Variants in DDX4 observed in about 807,000 individuals in gnomAD.
DDX4 encodes DEAD-box helicase 4, also known as probable ATP-dependent RNA helicase DDX4.
DDX4 carries 25 observed loss-of-function variants against 100.0 expected under a neutral mutation model. The observed-to-expected ratio is 0.25, with a 90% CI of 0.18 to 0.35. DDX4 has a LOEUF of 0.35. Among genes scored for constraint, DDX4 ranks in the 10% least tolerant of loss-of-function variants. The pLI, the probability that DDX4 is intolerant of heterozygous loss-of-function variation, is 1.00. For synonymous variants in DDX4, 259 were observed against 275.7 expected, an observed-to-expected ratio of 0.94 and a Z score of 0.60; for missense variants, 635 against 882.4, an observed-to-expected ratio of 0.72 and a Z score of 3.55.
intron 17 of DDX4, among the ~76,000 whole-genome samples, chr5:55,796,389 A>G (rs937859281): frequency 2.0e-5 from 3 of 152,102 alleles, no homozygotes; most frequent in Admixed American, 6.5e-5. Flanking sequence ...TCTATTTCCC[A>G]CCTTAATTTA....
intron 18 of DDX4, among the ~76,000 whole-genome samples, chr5:55,809,751 C>G (rs1490086646): frequency 6.6e-6 from 1 of 152,090 alleles, no homozygotes; most frequent in East Asian, 1.9e-4. Context: ...TTACAGAATG[C>G]CATGTGTAAG....
intron 6 of DDX4, chr5:55,766,969 A>G: frequency 6.5e-7 from 1 of 1,529,846 alleles, no homozygotes; most frequent in South Asian, 1.2e-5. Context: ...CTCTCCAGGT[A>G]GTTTTCAGGC....
chr5:55,767,962 A>G, intron 7 of DDX4, 22 bp downstream of exon 7: 1 of 1,608,152 alleles, frequency 6.2e-7, no homozygotes, highest in Non-Finnish European at 8.5e-7. Context: ...ATTTTGGAAC[A>G]ATTTGTACTT....
intron 2 of DDX4, 75 bp from the exon 3 acceptor site, chr5:55,746,089 T>C: frequency 8.8e-7 from 1 of 1,141,458 alleles, no homozygotes; most frequent in Non-Finnish European, 1.3e-6. Flanking sequence ...GTTATAATTT[T>C]CTAGTATTTG....
chr5:55,796,748 T>C (rs776042586), intron 17 of DDX4, among the ~76,000 whole-genome samples: 3 of 151,682 alleles, frequency 2.0e-5, no homozygotes, highest in Non-Finnish European at 4.4e-5. Context: ...TCATTAGTGT[T>C]CCACATTCTT....
chr5:55,806,095 T>G (rs1475984226), intron 18 of DDX4, among the ~76,000 whole-genome samples: 1 of 152,230 alleles, frequency 6.6e-6, no homozygotes, highest in Non-Finnish European at 1.5e-5. Flanking sequence ...CTTCTAGATT[T>G]TCTAGTTTAT....
chr5:55,811,319 C>A (rs1744113790), intron 18 of DDX4, among the ~76,000 whole-genome samples: 1 of 152,072 alleles, frequency 6.6e-6, no homozygotes, highest in African/African-American at 2.4e-5. Context: ...TTTTCTGGAA[C>A]AAACTGACAT....
At chr5:55,786,796 T>C in intron 14 of DDX4, 126 bp downstream of exon 14, 1 of 722,762 alleles carries the variant, frequency 1.4e-6, no homozygotes, top group Admixed American at 2.4e-5. Flanking sequence ...TAAGTATTGA[T>C]GGTTTTGCTT....
At chr5:55,752,258 G>T (rs1309088832) in intron 3 of DDX4, among the ~76,000 whole-genome samples, 6 of 149,534 alleles carry the variant, frequency 4.0e-5, no homozygotes, top group African/African-American at 1.2e-4. Flanking sequence ...ATGTATACAT[G>T]TGCCATGCTG....
At chr5:55,800,438 C>G (rs1214256570) in intron 18 of DDX4, among the ~76,000 whole-genome samples, 1 of 151,888 alleles carries the variant, frequency 6.6e-6, no homozygotes, top group Non-Finnish European at 1.5e-5. Flanking sequence ...ATTCTCCTGC[C>G]TCAGCCTCCT....
chr5:55,742,704 A>G (rs1285932932), intron 2 of DDX4, among the ~76,000 whole-genome samples: 1 of 152,218 alleles, frequency 6.6e-6, no homozygotes, highest in African/African-American at 2.4e-5. Context: ...GCTAAAGACA[A>G]GACCTATGAT....
chr5:55,758,868 TAAAAAAAAAAAAAAAA>T (rs35392036), intron 3 of DDX4, among the ~76,000 whole-genome samples: 29 of 70,316 alleles, frequency 4.1e-4, no homozygotes, highest in Non-Finnish European at 4.2e-4. Flanking sequence ...TTTGTTTCCT[TAAAAAAAAAAAAAAAA>T]AAAAAAAAAA....
At chr5:55,809,163 A>G (rs1743953164) in intron 18 of DDX4, among the ~76,000 whole-genome samples, 1 of 152,162 alleles carries the variant, frequency 6.6e-6, no homozygotes, top group African/African-American at 2.4e-5. Flanking sequence ...AGACCATTGG[A>G]AAAGTGCAGT....
chr5:55,763,427 T>C (rs1339922385), intron 5 of DDX4, among the ~76,000 whole-genome samples, 175 bp downstream of exon 5: 1 of 152,174 alleles, frequency 6.6e-6, no homozygotes, highest in Non-Finnish European at 1.5e-5. Context: ...CATTTTTTAA[T>C]TTTATGAAAG....
At chr5:55,794,673 G>A (rs1288011390) in intron 17 of DDX4, among the ~76,000 whole-genome samples, 2 of 152,076 alleles carry the variant, frequency 1.3e-5, no homozygotes, top group East Asian at 3.8e-4. Flanking sequence ...ATTTGTCGAG[G>A]ATCTTTTGTG....
chr5:55,794,664 T>C (rs758620097), intron 17 of DDX4, among the ~76,000 whole-genome samples: 1 of 152,204 alleles, frequency 6.6e-6, no homozygotes, highest in Non-Finnish European at 1.5e-5. Context: ...GTCAGTAATA[T>C]TTGTCGAGGA....
At chr5:55,815,944 T>G (rs1333048540) in intron 21 of DDX4, among the ~76,000 whole-genome samples, 2 of 148,382 alleles carry the variant, frequency 1.3e-5, no homozygotes, top group Non-Finnish European at 3.0e-5. Flanking sequence ...CTGGTTTTTT[T>G]TTTTTTTTTT....
At chr5:55,753,655 G>A (rs1174364511) in intron 3 of DDX4, among the ~76,000 whole-genome samples, 7 of 147,340 alleles carry the variant, frequency 4.8e-5, no homozygotes, top group South Asian at 2.3e-4. Context: ...GGCGATGCGG[G>A]CTCTTTTTTG....
chr5:55,760,861 G>A lies in DDX4; in HGVS notation c.205+584G>A, dbSNP rs1015777306. ...AATATGTGCTATATTTTATTATAGT[G>A]CAATAACATATTAGAACTTCAGGTT... is the stretch of plus-strand genomic sequence containing the variant. On this transcript the variant is annotated intron_variant, in intron 4 of 21. Coordinates refer to ENST00000505374, the MANE Select transcript of DDX4 (RefSeq NM_024415.3). Among the ~76,000 whole-genome samples the A allele has an allele frequency of 4.6e-5, 7 of 152,180 alleles. No individual in the cohort carries two copies. In the East Asian group the frequency reaches 1.3e-3, roughly 29 times the overall value.
Sources: allele counts gnomAD v4.1 joint callset (sites outside exome capture counted in the v4.1 genomes callset), GRCh38; gene constraint gnomAD v4.1.1; transcripts MANE v1.5; gene names NCBI Gene and HGNC (gene_info 2026-07-23, HGNC 2026-07-21).